The following RPTOR variants were observed in gnomAD, a reference collection of about 807,000 sequenced individuals.
RPTOR encodes regulatory-associated protein of mTOR.
Under a neutral mutation model 169.9 loss-of-function variants are expected in RPTOR, and 21 were observed. The observed-to-expected ratio is 0.12, with a 90% confidence interval of 0.09 to 0.18. The LOEUF (loss-of-function observed/expected upper bound fraction) is 0.18. Ranked by LOEUF, RPTOR falls within the 10% of genes least tolerant of loss-of-function variation. RPTOR has a pLI of 1.00. For synonymous variants in RPTOR, 732 were observed against 753.2 expected (o/e 0.97, Z 0.46); for missense variants, 1,133 against 1,855.9 (o/e 0.61, Z 7.16).
chr17:80,911,552 C>T (rs188162889), intron 21 of RPTOR, among the ~76,000 whole-genome samples: 66 of 152,268 alleles, frequency 4.3e-4, no homozygotes, highest in African/African-American at 1.3e-3. Flanking sequence ...GAGGCCAAGG[C>T]GAGAGACGAT....
intron 13 of RPTOR, among the ~76,000 whole-genome samples, chr17:80,876,121 T>C (rs117175300): frequency 0.031 from 1,389 of 44,596 alleles, 115 homozygotes; most frequent in East Asian, 0.057. Flanking sequence ...GAGCCCGTGC[T>C]GCCCAGGATG....
intron 25 of RPTOR, chr17:80,941,916 C>T (rs2069034739): frequency 6.6e-6 from 1 of 152,294 alleles, no homozygotes; most frequent in Admixed American, 6.5e-5. Flanking sequence ...ACGCAGCTCT[C>T]TCTGTGAAAG....
intron 5 of RPTOR, among the ~76,000 whole-genome samples, chr17:80,745,298 C>T (rs906333354): frequency 6.6e-6 from 1 of 152,076 alleles, no homozygotes; most frequent in Non-Finnish European, 1.5e-5. Flanking sequence ...TGGGGGAACT[C>T]GGGGTAACTG....
chr17:80,670,513 T>C (rs2065813718), intron 3 of RPTOR, among the ~76,000 whole-genome samples: 1 of 152,236 alleles, frequency 6.6e-6, no homozygotes, highest in Admixed American at 6.5e-5. Flanking sequence ...ATTTGTACCC[T>C]ATTTTTTTGA....
chr17:80,646,955 T>C lies in RPTOR; in HGVS notation c.348+3145T>C, dbSNP rs2065600825. 6.6e-6 allele frequency among the ~76,000 whole-genome samples: 1 copy of C among 152,246 alleles called. No individual in the cohort carries two copies. Among genetic ancestry groups the C allele is most frequent in the Non-Finnish European group, 1.5e-5 (1 of 68,034 alleles). On this transcript the variant is annotated intron_variant, in intron 3 of 33. Transcript: ENST00000306801. The surrounding 1 kb of genome is among the most constrained non-coding windows in gnomAD (Gnocchi z 5.0). ...AGCCAACCCCGGAACCCCCGTCGGC[T>C]GCACCAGAATGGTGTCTGGAAGCCT...
chr17:80,858,388 C>T (rs2067879578), intron 13 of RPTOR, among the ~76,000 whole-genome samples: 1 of 152,274 alleles, frequency 6.6e-6, no homozygotes, highest in South Asian at 2.1e-4. Context: ...TTAGGGGCCA[C>T]CCCCTTACAC....
intron 10 of RPTOR, among the ~76,000 whole-genome samples, chr17:80,843,046 G>T (rs75479859): frequency 6.6e-6 from 1 of 152,096 alleles, no homozygotes; most frequent in African/African-American, 2.4e-5. Context: ...CCACAACTTC[G>T]TTTTTTTCCC....
intron 17 of RPTOR, among the ~76,000 whole-genome samples, chr17:80,889,895 G>A (rs1207366072): frequency 8.2e-6 from 1 of 122,482 alleles, no homozygotes; most frequent in Non-Finnish European, 1.8e-5. Flanking sequence ...GGAGGCCCCC[G>A]TACGCAGCAG....
At position 80,961,300 on chromosome 17, in the gene RPTOR, C is replaced by A. The variant is rs1232265637; in HGVS notation, c.3606-94C>A. On this transcript the variant is annotated intron_variant, in intron 30 of 33. Transcript: ENST00000306801. ...GGGCGAGGGCCTGCGGACCCGCTGG[C>A]ACAGGCAGACCTGGGCAGCTCCCGG... The A allele has an allele frequency of 1.1e-5, 14 of 1,232,802 alleles. No individual in the cohort carries two copies. In the East Asian group the frequency reaches 3.6e-4, roughly 32 times the overall value. 76.4% of individuals were successfully genotyped at this position (1,232,802 alleles called of 1,614,324 possible).
intron 7 of RPTOR, among the ~76,000 whole-genome samples, chr17:80,819,295 G>A (rs1416562370): frequency 6.6e-6 from 1 of 152,226 alleles, no homozygotes; most frequent in African/African-American, 2.4e-5. Context: ...GTATCCCCAT[G>A]ATCGCATTTT....
At chr17:80,720,028 A>G (rs2143153331) in intron 4 of RPTOR, among the ~76,000 whole-genome samples, 1 of 152,318 alleles carries the variant, frequency 6.6e-6, no homozygotes, top group Non-Finnish European at 1.5e-5. Context: ...TGGGCCGGGC[A>G]CGGTGGCTCA....
intron 1 of RPTOR, among the ~76,000 whole-genome samples, chr17:80,567,876 C>T (rs9907125): frequency 0.64 from 96,871 of 151,418 alleles, 31,440 homozygotes; most frequent in Middle Eastern, 0.72. Context: ...AAGAATATCT[C>T]TTATATTAAC....
At chr17:80,612,210 ACCTCTAACTCT>A (rs1270993609) in intron 1 of RPTOR, among the ~76,000 whole-genome samples, 1 of 152,070 alleles carries the variant, frequency 6.6e-6, no homozygotes, top group Admixed American at 6.5e-5. Flanking sequence ...GCTCACTGTA[ACCTCTAACTCT>A]TGGGCTCGAG....
chr17:80,955,557 G>A (rs1337155208), intron 28 of RPTOR, among the ~76,000 whole-genome samples: 1 of 152,220 alleles, frequency 6.6e-6, no homozygotes, highest in East Asian at 1.9e-4. Flanking sequence ...TGACTCTACA[G>A]ACTTCTTCAT....
At chr17:80,554,656 A>G (rs570510042) in intron 1 of RPTOR, among the ~76,000 whole-genome samples, 83 of 152,220 alleles carry the variant, frequency 5.5e-4, no homozygotes, top group Admixed American at 1.3e-3. Flanking sequence ...AGGCAGGAGA[A>G]TGGCGTGAAC....
At position 80,708,017 on chromosome 17, in the gene RPTOR, CT is replaced by C; in HGVS notation, c.507+20del. ...TCAACAAGGTGGGTGTGCCTTCCAG[CT>C]TCCTTCCCGTTTCTGCCAAAAGCCA... On this transcript the variant is annotated intron_variant, in intron 4 of 33. Transcript: ENST00000306801. The surrounding 1 kb of genome is among the most constrained non-coding windows in gnomAD (Gnocchi z 4.2). The C allele has an allele frequency of 6.2e-7, 1 of 1,605,898 alleles. No homozygotes were observed. The highest frequency in any genetic ancestry group is 8.5e-7 in the Non-Finnish European group (1 of 1,175,796).
chr17:80,674,661 G>T (rs374682005), intron 3 of RPTOR, among the ~76,000 whole-genome samples: 3 of 151,880 alleles, frequency 2.0e-5, no homozygotes, highest in African/African-American at 7.3e-5. Flanking sequence ...GGTGGCCGGC[G>T]CCTGTAGTCC....
In RPTOR at chr17:80,695,449, G is replaced by A. The variant is rs953445973; in HGVS notation, c.349-12392G>A. ...TGGGCGGGACCTGTGCTCTCTCCCT[G>A]TAACAGTGGCCTCTGTTACAGAGGG... On this transcript the variant is annotated intron_variant, in intron 3 of 33. Coordinates refer to ENST00000306801, the MANE Select transcript of RPTOR (RefSeq NM_020761.3). The surrounding 1 kb of genome is among the most constrained non-coding windows in gnomAD (Gnocchi z 4.9). Among the ~76,000 whole-genome samples the A allele has an allele frequency of 2.0e-4, 31 of 152,170 alleles. No homozygotes were observed. Among genetic ancestry groups the A allele is most frequent in the Non-Finnish European group, 4.1e-4 (28 of 68,038 alleles).
At chr17:80,848,930 C>T (rs778040237) in intron 11 of RPTOR, among the ~76,000 whole-genome samples, 4 of 152,206 alleles carry the variant, frequency 2.6e-5, no homozygotes, top group African/African-American at 9.7e-5. Flanking sequence ...CTGGTCGGAG[C>T]GTGGGGCATT....
Sources: gnomAD v4.1 joint callset for allele counts (sites outside exome capture counted in the v4.1 genomes callset) on GRCh38, gnomAD v4.1.1 for gene constraint, Gnocchi (gnomAD v3.1) non-coding constraint, MANE v1.5 for transcripts, NCBI Gene and HGNC (gene_info 2026-07-23, HGNC 2026-07-21) for gene names.